The following PLPP1 variants were observed in gnomAD, a reference collection of about 807,000 sequenced individuals.
PLPP1 encodes the protein lipid phosphate phosphohydrolase 1a.
In PLPP1, 24 loss-of-function variants were observed where a neutral mutation model predicts 31.2. The ratio of observed to expected loss-of-function variants is 0.77; its 90% CI spans 0.56 to 1.08. The LOEUF is 1.08. Among genes scored for constraint, PLPP1 ranks in the 50% least tolerant of loss-of-function variants. The pLI, the probability that PLPP1 is intolerant of heterozygous loss-of-function variation, is 0.00. For missense variants in PLPP1, 319 were observed against 342.7 expected, an observed-to-expected ratio of 0.93 and a Z score of 0.55; for synonymous variants, 146 against 126.3, an observed-to-expected ratio of 1.16 and a Z score of -1.05.
chr5:55,456,308 A>G (rs1752008974), intron 3 of PLPP1, among the ~76,000 whole-genome samples: 2 of 152,168 alleles, frequency 1.3e-5, no homozygotes, highest in Admixed American at 6.5e-5. Context: ...TGCAAGAGAG[A>G]GAATGGCGGG....
chr5:55,442,522 T>C (rs924312824), intron 3 of PLPP1, among the ~76,000 whole-genome samples: 1 of 151,820 alleles, frequency 6.6e-6, no homozygotes, highest in East Asian at 2.0e-4. Flanking sequence ...CGTGGTGGCG[T>C]GTGCCTGTAG....
intron 4 of PLPP1, among the ~76,000 whole-genome samples, chr5:55,441,187 T>TAATGCAAA (rs1751612848): frequency 6.6e-6 from 1 of 152,188 alleles, no homozygotes; most frequent in African/African-American, 2.4e-5. Context: ...TACATATTCA[T>TAATGCAAA]CTCTAGTTTG....
intron 4 of PLPP1, among the ~76,000 whole-genome samples, chr5:55,433,311 G>A (rs996110898): frequency 6.7e-6 from 1 of 148,416 alleles, no homozygotes; most frequent in East Asian, 2.0e-4. Flanking sequence ...GGGTGACAGG[G>A]AGACCCAGTC....
intron 3 of PLPP1, among the ~76,000 whole-genome samples, chr5:55,460,104 G>A (rs549997305): frequency 4.0e-4 from 61 of 152,224 alleles, no homozygotes; most frequent in African/African-American, 1.3e-3. Context: ...AAGTTATGGG[G>A]GAGTCAAAAG....
rs796252980 is a variant in PLPP1, at chr5:55,433,257, A to G, written c.550-7218T>C. Among the ~76,000 whole-genome samples, 102 of 151,142 alleles carry G rather than the reference A, an allele frequency of 6.7e-4. 1 individual carries two copies. The highest frequency in any genetic ancestry group is 1.8e-3 in the African/African-American group (74 of 41,230). On this transcript the variant is annotated intron_variant, in intron 4 of 5. Coordinates refer to ENST00000307259, the MANE Select transcript of PLPP1 (RefSeq NM_003711.4). ...AGCATCACTGCTTAAGCACAGGACA[A>G]TGAGGTTGCAGTGAGCTGAGATCGT... is the stretch of plus-strand genomic sequence containing the variant.
chr5:55,449,957 T>C (rs1751857817), intron 3 of PLPP1, among the ~76,000 whole-genome samples: 1 of 151,384 alleles, frequency 6.6e-6, no homozygotes, highest in Non-Finnish European at 1.5e-5. Context: ...CAAAATTAAC[T>C]AAAATATAAT....
intron 1 of PLPP1, among the ~76,000 whole-genome samples, chr5:55,495,627 T>C (rs1752989245): frequency 1.3e-5 from 2 of 152,150 alleles, no homozygotes; most frequent in African/African-American, 2.4e-5. Context: ...GGTATCTTCA[T>C]AAAGAAACTT....
chr5:55,445,853 T>C (rs1751753327), intron 3 of PLPP1, among the ~76,000 whole-genome samples: 1 of 152,176 alleles, frequency 6.6e-6, no homozygotes, highest in Admixed American at 6.5e-5. Context: ...CCTACATTCA[T>C]TCTTGAATGA....
chr5:55,478,834 G>A (rs7706883), intron 1 of PLPP1, among the ~76,000 whole-genome samples: 130,072 of 152,042 alleles, frequency 0.86, 56,123 homozygotes, highest in South Asian at 0.92. Context: ...TTAATAAGAA[G>A]GGGTAATATC....
intron 1 of PLPP1, among the ~76,000 whole-genome samples, chr5:55,486,412 C>T (rs914447848): frequency 4.0e-4 from 61 of 151,866 alleles, no homozygotes; most frequent in African/African-American, 1.4e-3. Flanking sequence ...TGGTGAAACC[C>T]CATCTCTACT....
intron 3 of PLPP1, among the ~76,000 whole-genome samples, chr5:55,458,838 A>G (rs1338507633): frequency 1.4e-5 from 2 of 140,354 alleles, no homozygotes; most frequent in African/African-American, 5.2e-5. Context: ...CAGTGGGCCA[A>G]GATTATGCCA....
chr5:55,507,990 T>A (rs538619629), intron 1 of PLPP1, among the ~76,000 whole-genome samples: 1 of 152,230 alleles, frequency 6.6e-6, no homozygotes, highest in East Asian at 1.9e-4. Context: ...CCTGGAGACC[T>A]GAGATTTCAG....
At chr5:55,512,811 T>C (rs1753467290) in intron 1 of PLPP1, among the ~76,000 whole-genome samples, 1 of 152,094 alleles carries the variant, frequency 6.6e-6, no homozygotes, top group Non-Finnish European at 1.5e-5. Context: ...ACTTGGAAAA[T>C]CTATAACAGA....
intron 1 of PLPP1, among the ~76,000 whole-genome samples, chr5:55,477,044 A>G (rs1377491049): frequency 5.8e-5 from 3 of 52,136 alleles, no homozygotes; most frequent in Non-Finnish European, 1.5e-4. Context: ...AAAGAAAAAA[A>G]AAAAAATAAT....
At chr5:55,526,565 A>AAAC (rs72272207) in intron 1 of PLPP1, among the ~76,000 whole-genome samples, 251 of 152,214 alleles carry the variant, frequency 1.6e-3, no homozygotes, top group Non-Finnish European at 2.9e-3. Context: ...GAATAGAGAA[A>AAAC]AACAACAACA....
chr5:55,509,547 T>G (rs1753359998), intron 1 of PLPP1, among the ~76,000 whole-genome samples: 1 of 152,222 alleles, frequency 6.6e-6, no homozygotes, highest in Admixed American at 6.5e-5. Context: ...ATATAGGATA[T>G]AAGTGACACT....
Position 55,534,544 on chromosome 5 carries a change from C to T in PLPP1, c.58+28G>A, listed in dbSNP as rs111665687. ...AGCCCTCCCGGGACAGCCGCACACG[C>T]CCCTCGGACCCGGCGGCGCGTACGT... On this transcript the variant is annotated intron_variant, in intron 1 of 5. Coordinates refer to ENST00000307259, the MANE Select transcript of PLPP1 (RefSeq NM_003711.4). The T allele has an allele frequency of 3.5e-5, 54 of 1,525,724 alleles. No homozygotes were observed. In the African/African-American group the frequency reaches 4.9e-4, roughly 14 times the overall value. 94.5% of individuals were successfully genotyped at this position (1,525,724 alleles called of 1,614,324 possible). A position where few individuals can be genotyped will look rare whatever the true frequency, so the allele number is the denominator to read the frequency against.
At position 55,452,561 on chromosome 5, in the gene PLPP1, C is replaced by T. The variant is rs1751915634; in HGVS notation, c.492-10653G>A. ...GTAATACACTACTTACAGTTCCCAACATATCTGTTCCATGTTGTTTATTCA... is the reference window on the plus strand; with the variant it reads ...GTAATACACTACTTACAGTTCCCAATATATCTGTTCCATGTTGTTTATTCA... On this transcript the variant is annotated intron_variant, in intron 3 of 5. Coordinates refer to ENST00000307259, the MANE Select transcript of PLPP1 (RefSeq NM_003711.4). Among the ~76,000 whole-genome samples, 6 of 152,336 alleles carry T rather than the reference C, an allele frequency of 3.9e-5. No homozygotes were observed. The South Asian group carries it at 1.2e-3, about 32-fold the overall frequency.
At chr5:55,454,657 T>C (rs1751966859) in intron 3 of PLPP1, among the ~76,000 whole-genome samples, 1 of 152,238 alleles carries the variant, frequency 6.6e-6, no homozygotes, top group African/African-American at 2.4e-5. Context: ...GGTACTGATC[T>C]TTAAGTCACA....
Sources: gnomAD v4.1 joint callset for allele counts (sites outside exome capture counted in the v4.1 genomes callset) on GRCh38, gnomAD v4.1.1 for gene constraint, MANE v1.5 for transcripts, NCBI Gene and HGNC (gene_info 2026-07-23, HGNC 2026-07-21) for gene names.